FGGY: variants seen among roughly 807,000 people sequenced by gnomAD.
FGGY encodes the protein FGGY carbohydrate kinase domain-containing protein.
In FGGY, 72 loss-of-function variants were observed where a neutral mutation model predicts 71.3. The ratio of observed to expected loss-of-function variants is 1.01; its 90% CI spans 0.84 to 1.23. The LOEUF (loss-of-function observed/expected upper bound fraction) is 1.23. FGGY is among the 50% of genes most tolerant of loss of function. The pLI, the probability that FGGY is intolerant of heterozygous loss-of-function variation, is 0.00. For missense variants in FGGY, 668 were observed against 682.3 expected (o/e 0.98, Z 0.23); for synonymous variants, 251 against 250.3 (o/e 1.00, Z -0.02).
At chr1:59,441,946 C>T (rs1370595590) in intron 5 of FGGY, among the ~76,000 whole-genome samples, 1 of 152,196 alleles carries the variant, frequency 6.6e-6, no homozygotes, top group Non-Finnish European at 1.5e-5. Flanking sequence ...ACCTGGTGAA[C>T]TCCTACTCAT....
intron 4 of FGGY, among the ~76,000 whole-genome samples, chr1:59,369,597 G>A (rs1464793201): frequency 6.6e-6 from 1 of 152,192 alleles, no homozygotes; most frequent in Non-Finnish European, 1.5e-5. Context: ...CTGAGAAGGG[G>A]CAGACTGCCT....
chr1:59,594,879 G>T (rs1022143777), intron 8 of FGGY, among the ~76,000 whole-genome samples: 2 of 152,190 alleles, frequency 1.3e-5, no homozygotes, highest in African/African-American at 4.8e-5. Context: ...GAGAGAGAAG[G>T]AAAGTGCACA....
intron 11 of FGGY, among the ~76,000 whole-genome samples, chr1:59,647,502 T>C (rs1244334090): frequency 6.6e-6 from 1 of 152,184 alleles, no homozygotes; most frequent in Non-Finnish European, 1.5e-5. Context: ...GTCAGAAATC[T>C]AGGTTGGTTC....
chr1:59,762,360 C>G lies in FGGY; in HGVS notation c.1575-143C>G, dbSNP rs114647524. Reference sequence around the variant, plus strand: ...ATAATAGGTCTGAAACATGCTAATTCATTGCCCAGGATGCTGTAAGCATTC... The same window carrying G: ...ATAATAGGTCTGAAACATGCTAATTGATTGCCCAGGATGCTGTAAGCATTC... On this transcript the variant is annotated intron_variant, in intron 15 of 15. Transcript: ENST00000303721. The G allele has an allele frequency of 1.4e-4, 84 of 602,180 alleles. No individual in the cohort carries two copies. In the African/African-American group the frequency reaches 1.4e-3, roughly 10 times the overall value. 37.3% of individuals were successfully genotyped at this position (602,180 alleles called of 1,614,324 possible).
At position 59,754,053 on chromosome 1, in the gene FGGY, A is replaced by G. The variant is rs532342570; in HGVS notation, c.1513-3878A>G. Among the ~76,000 whole-genome samples the G allele has an allele frequency of 7.2e-5, 11 of 152,342 alleles. No individual in the cohort carries two copies. In the East Asian group the frequency reaches 2.1e-3, roughly 29 times the overall value. On this transcript the variant is annotated intron_variant, in intron 14 of 15. Coordinates refer to ENST00000303721, the MANE Select transcript of FGGY (RefSeq NM_018291.5). Reference sequence around the variant, plus strand: ...CCAGAAACGAGACATAGCCCTAATCAGATTCTTCTTTCTTCCTCATTCACT... The same window carrying G: ...CCAGAAACGAGACATAGCCCTAATCGGATTCTTCTTTCTTCCTCATTCACT...
intron 8 of FGGY, among the ~76,000 whole-genome samples, chr1:59,561,029 G>C (rs1214946432): frequency 1.3e-5 from 2 of 152,174 alleles, no homozygotes; most frequent in African/African-American, 4.8e-5. Context: ...GGGTGTGTAT[G>C]AGCCCTTTGG....
chr1:59,506,928 A>G (rs1034072313), intron 6 of FGGY, among the ~76,000 whole-genome samples: 5 of 152,212 alleles, frequency 3.3e-5, no homozygotes, highest in Admixed American at 6.5e-5. Flanking sequence ...TTTTTCCCCT[A>G]GGAATGTATT....
chr1:59,510,227 G>A (rs1358097283), intron 6 of FGGY, among the ~76,000 whole-genome samples: 1 of 151,828 alleles, frequency 6.6e-6, no homozygotes, highest in Admixed American at 6.6e-5. Flanking sequence ...CTGTCTCTAG[G>A]GTGTTTATTT....
chr1:59,584,676 C>T (rs1392835331), intron 8 of FGGY, among the ~76,000 whole-genome samples: 1 of 149,802 alleles, frequency 6.7e-6, no homozygotes, highest in Non-Finnish European at 1.5e-5. Flanking sequence ...CCAGGGCAAT[C>T]AGGCAGGAGA....
chr1:59,652,160 A>G (rs1292506395), intron 11 of FGGY, among the ~76,000 whole-genome samples: 1 of 151,980 alleles, frequency 6.6e-6, no homozygotes, highest in African/African-American at 2.4e-5. Flanking sequence ...GGGTAACCCA[A>G]CCTTTCTCTC....
intron 5 of FGGY, among the ~76,000 whole-genome samples, chr1:59,400,504 C>T (rs191591401): frequency 1.5e-4 from 22 of 150,492 alleles, no homozygotes; most frequent in African/African-American, 4.8e-4. Flanking sequence ...GCACAAAGTA[C>T]GTTTTGAGAC....
At chr1:59,538,303 C>T (rs2153681713) in intron 7 of FGGY, among the ~76,000 whole-genome samples, 1 of 150,948 alleles carries the variant, frequency 6.6e-6, no homozygotes, top group South Asian at 2.1e-4. Flanking sequence ...GATACCATCT[C>T]ACACCAGTTA....
intron 1 of FGGY, among the ~76,000 whole-genome samples, chr1:59,305,656 G>A (rs1267829495): frequency 1.3e-5 from 2 of 152,058 alleles, no homozygotes; most frequent in Non-Finnish European, 2.9e-5. Flanking sequence ...TTAAATGCTT[G>A]GTAGAATTTA....
At chr1:59,541,615 T>A (rs915526344) in intron 7 of FGGY, among the ~76,000 whole-genome samples, 2 of 152,236 alleles carry the variant, frequency 1.3e-5, no homozygotes, top group African/African-American at 4.8e-5. Flanking sequence ...GATTGAATGT[T>A]ATTTTAAAAG....
chr1:59,378,963 A>G (rs1182263828), intron 5 of FGGY, 126 bp downstream of exon 5: 2 of 719,852 alleles, frequency 2.8e-6, no homozygotes, highest in East Asian at 2.8e-5. Context: ...TTTTGCATAC[A>G]TGAAACATCT....
At chr1:59,739,112 T>C (rs1330225344) in intron 14 of FGGY, among the ~76,000 whole-genome samples, 2 of 152,202 alleles carry the variant, frequency 1.3e-5, no homozygotes, top group Non-Finnish European at 2.9e-5. Flanking sequence ...CCCTTGCACA[T>C]GCCTCATCCA....
In FGGY at chr1:59,634,640, T is replaced by G. The variant is rs548005947; in HGVS notation, c.1074-3588T>G. On this transcript the variant is annotated intron_variant, in intron 10 of 15. Coordinates refer to ENST00000303721, the MANE Select transcript of FGGY (RefSeq NM_018291.5). ...AGAGATTTCAGGGATGTTGTCTGCA[T>G]TTAAGATCACAAGCAATAGGTCCGA... Among the ~76,000 whole-genome samples, 228 of 152,228 alleles carry G rather than the reference T, an allele frequency of 1.5e-3. 1 individual carries two copies. Among genetic ancestry groups the G allele is most frequent in the Non-Finnish European group, 2.8e-3 (190 of 68,014 alleles).
At chr1:59,697,860 T>G (rs2097675498) in intron 14 of FGGY, 2 of 459,604 alleles carry the variant, frequency 4.4e-6, no homozygotes, top group Non-Finnish European at 7.0e-6. Flanking sequence ...AGTTGAAGAT[T>G]TTAAAAGTGG....
chr1:59,413,441 A>G (rs1289665758), intron 5 of FGGY, among the ~76,000 whole-genome samples: 2 of 152,216 alleles, frequency 1.3e-5, no homozygotes, highest in Non-Finnish European at 2.9e-5. Context: ...GAGCCAGTGA[A>G]TAAATGACAG....
Sources: allele counts gnomAD v4.1 joint callset (sites outside exome capture counted in the v4.1 genomes callset), GRCh38; gene constraint gnomAD v4.1.1; transcripts MANE v1.5; gene names NCBI Gene and HGNC (gene_info 2026-07-23, HGNC 2026-07-21).